MLIP: variants seen among roughly 807,000 people sequenced by gnomAD.
MLIP encodes the protein muscular LMNA-interacting protein.
In MLIP, 79 loss-of-function variants were observed where a neutral mutation model predicts 84.8. That is an observed-to-expected ratio of 0.93 (90% CI 0.78 to 1.12). The LOEUF (loss-of-function observed/expected upper bound fraction) is 1.12. Among genes scored for constraint, MLIP ranks in the 50% most tolerant of loss-of-function variants. The pLI is 0.00. For missense variants in MLIP, 1,257 were observed against 1,160.6 expected, an observed-to-expected ratio of 1.08 and a Z score of -1.21; for synonymous variants, 504 against 463.0, an observed-to-expected ratio of 1.09 and a Z score of -1.14.
chr6:54,104,205 C>CA (rs1768851150), intron 1 of MLIP, among the ~76,000 whole-genome samples: 1 of 151,798 alleles, frequency 6.6e-6, no homozygotes, highest in Non-Finnish European at 1.5e-5. Context: ...TTATTTTAAA[C>CA]AAAAAATCAG....
intron 5 of MLIP, among the ~76,000 whole-genome samples, chr6:54,152,100 GA>G (rs1411228051): frequency 1.3e-5 from 2 of 152,168 alleles, no homozygotes; most frequent in Non-Finnish European, 2.9e-5. Context: ...CTTAAATAAG[GA>G]TTTCTAGGGA....
chr6:54,147,535 T>G (rs975358013), intron 4 of MLIP, among the ~76,000 whole-genome samples: 31 of 152,086 alleles, frequency 2.0e-4, no homozygotes, highest in African/African-American at 7.5e-4. Flanking sequence ...CCTTAAGAGT[T>G]AAGAGACTTG....
chr6:54,147,836 T>C (rs1302807233), intron 4 of MLIP, among the ~76,000 whole-genome samples: 2 of 152,184 alleles, frequency 1.3e-5, no homozygotes, highest in Non-Finnish European at 2.9e-5. Context: ...CTTGCTGGCA[T>C]GCAGGCCTTG....
rs546460246 is a variant in MLIP at position 54,160,791 on chromosome 6, ACAGT to A, written c.2494_2497del (p.Val832LysfsTer31). 2.1e-4 allele frequency: 336 copies of A among 1,605,790 alleles called. No homozygotes were observed. Among genetic ancestry groups the A allele is most frequent in the Admixed American group, 2.7e-4 (16 of 59,720 alleles). ...CCCAAAGACATTGTTGGGTTCTGAC[ACAGT>A]CAAAGTATGTATGTATTTAATATAA... On this transcript the variant is annotated frameshift_variant, in exon 8 of 14. Transcript: ENST00000502396. LOFTEE classifies it high-confidence loss of function.
chr6:54,156,955 G>T (rs187708809), intron 5 of MLIP, among the ~76,000 whole-genome samples: 88 of 152,238 alleles, frequency 5.8e-4, no homozygotes, highest in South Asian at 6.2e-4. Flanking sequence ...GTGAGGCCAA[G>T]AAAGATGTTA....
chr6:54,174,560 T>C (rs1397515625), intron 9 of MLIP, among the ~76,000 whole-genome samples: 4 of 152,068 alleles, frequency 2.6e-5, no homozygotes, highest in Admixed American at 2.0e-4. Context: ...TTGAGAAATA[T>C]CTATTGAAAT....
intron 4 of MLIP, among the ~76,000 whole-genome samples, chr6:54,148,759 A>G (rs1168875244): frequency 1.3e-5 from 2 of 152,154 alleles, no homozygotes; most frequent in East Asian, 1.9e-4. Flanking sequence ...GAATGCTGCC[A>G]ATGAAAAATT....
At position 54,136,719 on chromosome 6, in the gene MLIP, C is replaced by T. The variant is rs1771825937; in HGVS notation, c.650C>T (p.Thr217Ile). The change falls in exon 4 of 14, where the codon ACT (threonine) becomes ATT (isoleucine). Residue 217 changes from threonine (T) to isoleucine (I), a missense_variant. Thr to Ile is a moderately conservative substitution (Grantham distance 89). Coordinates refer to ENST00000502396, the MANE Select transcript of MLIP (RefSeq NM_001281747.2). ...GTCTATTTCTCTTTCCTCTAGTTAA[C>T]TTCTTCTCCCACTACCTCTGAGCAG... Reference protein sequence around the residue: ...MAPQQKHGQLTSSPTTSEQLA... With the variant: ...MAPQQKHGQLISSPTTSEQLA... 2 of 1,476,184 alleles carry T rather than the reference C, an allele frequency of 1.4e-6. No individual in the cohort carries two copies. The highest frequency in any genetic ancestry group is 1.8e-6 in the Non-Finnish European group (2 of 1,112,328). The allele number at this position is 1,476,184 out of a possible 1,614,324, so 91.4% of individuals were successfully genotyped here. A position where few individuals can be genotyped will look rare whatever the true frequency, so the allele number is the denominator to read the frequency against.
At chr6:54,143,722 A>T (rs985498658) in intron 4 of MLIP, among the ~76,000 whole-genome samples, 6 of 152,190 alleles carry the variant, frequency 3.9e-5, no homozygotes. Flanking sequence ...CTTGAACCAT[A>T]GACGAAGAAC....
chr6:54,053,995 T>C (rs1177730656), intron 1 of MLIP, among the ~76,000 whole-genome samples: 1 of 152,220 alleles, frequency 6.6e-6, no homozygotes, highest in Non-Finnish European at 1.5e-5. Context: ...GTTTAGATTT[T>C]CTTTAATGGA....
chr6:54,102,003 T>C (rs1056328041), intron 1 of MLIP, among the ~76,000 whole-genome samples: 1 of 152,118 alleles, frequency 6.6e-6, no homozygotes, highest in Non-Finnish European at 1.5e-5. Flanking sequence ...AAGAAGATCC[T>C]GGCTGGCTAC....
At chr6:54,187,558 T>C (rs1190892513) in intron 9 of MLIP, among the ~76,000 whole-genome samples, 1 of 152,224 alleles carries the variant, frequency 6.6e-6, no homozygotes, top group African/African-American at 2.4e-5. Flanking sequence ...TTAACTTCAA[T>C]TGCCATGTTA....
chr6:54,181,480 A>T (rs1283455170), intron 9 of MLIP, among the ~76,000 whole-genome samples: 1 of 152,088 alleles, frequency 6.6e-6, no homozygotes, highest in Non-Finnish European at 1.5e-5. Flanking sequence ...GGATTCAGGG[A>T]CCTCAAAAGC....
At chr6:54,057,981 C>T (rs988992765) in intron 1 of MLIP, 2 of 152,150 alleles carry the variant, frequency 1.3e-5, no homozygotes, top group African/African-American at 4.8e-5. Flanking sequence ...TGCATATTTT[C>T]TTCCACTTTA....
Position 54,172,276 on chromosome 6 carries a change from A to G in MLIP, c.2544+2704A>G, listed in dbSNP as rs142728232. 2.1e-3 allele frequency among the ~76,000 whole-genome samples: 323 copies of G among 151,800 alleles called. 1 individual carries two copies. Among genetic ancestry groups the G allele is most frequent in the Non-Finnish European group, 3.2e-3 (217 of 67,706 alleles). On this transcript the variant is annotated intron_variant, in intron 9 of 13. Coordinates refer to ENST00000502396, the MANE Select transcript of MLIP (RefSeq NM_001281747.2). ...AATTAAAAAATAAAATTTAAAAGGTATAGTATATAATCTATGGATCAAGAC... is the reference window on the plus strand; with the variant it reads ...AATTAAAAAATAAAATTTAAAAGGTGTAGTATATAATCTATGGATCAAGAC...
rs550666996 is a variant in MLIP, at chr6:54,160,497, C to T, written c.2356-19C>T. The T allele has an allele frequency of 1.9e-6, 3 of 1,611,790 alleles. No homozygotes were observed. Among genetic ancestry groups the T allele is most frequent in the Admixed American group, 3.3e-5 (2 of 59,790 alleles). Reference sequence around the variant, plus strand: ...CCAAAACTTATTGCTAACCCAGTACCTGGTTTCAATTCTTCCAGCTCTATT... The same window carrying T: ...CCAAAACTTATTGCTAACCCAGTACTTGGTTTCAATTCTTCCAGCTCTATT... On this transcript the variant is annotated intron_variant, in intron 6 of 13. Transcript: ENST00000502396.
intron 12 of MLIP, among the ~76,000 whole-genome samples, chr6:54,241,652 A>G (rs1781744500): frequency 6.6e-6 from 1 of 152,196 alleles, no homozygotes; most frequent in Admixed American, 6.5e-5. Flanking sequence ...GCAATTATTT[A>G]TATTAGAACT....
At chr6:54,118,695 C>A (rs985928924) in intron 1 of MLIP, among the ~76,000 whole-genome samples, 1 of 151,972 alleles carries the variant, frequency 6.6e-6, no homozygotes, top group African/African-American at 2.4e-5. Flanking sequence ...AGCTTCTGTA[C>A]AGCAAGGGAA....
At chr6:54,113,876 T>G (rs1769684664) in intron 1 of MLIP, among the ~76,000 whole-genome samples, 1 of 152,152 alleles carries the variant, frequency 6.6e-6, no homozygotes. Flanking sequence ...AACTCCATGG[T>G]CAATCATTTG....
Sources: gnomAD v4.1 joint callset for allele counts (sites outside exome capture counted in the v4.1 genomes callset) on GRCh38, gnomAD v4.1.1 for gene constraint, MANE v1.5 for transcripts, NCBI Gene and HGNC (gene_info 2026-07-23, HGNC 2026-07-21) for gene names.